KCNH8: variants seen among roughly 807,000 people sequenced by gnomAD.
KCNH8 encodes the protein potassium voltage-gated channel subfamily H member 8.
Under a neutral mutation model 103.6 loss-of-function variants are expected in KCNH8, and 70 were observed. That is an observed-to-expected ratio of 0.68 (90% CI 0.56 to 0.82). KCNH8 has a LOEUF of 0.82. Ranked by LOEUF, KCNH8 falls within the 40% of genes least tolerant of loss-of-function variation. KCNH8 has a pLI of 0.00. For missense variants in KCNH8, 1,217 were observed against 1,329.9 expected, an observed-to-expected ratio of 0.92 and a Z score of 1.32; for synonymous variants, 498 against 489.4, an observed-to-expected ratio of 1.02 and a Z score of -0.23.
rs149295733 is a variant in KCNH8 at position 19,413,966 on chromosome 3, C to A, written c.1177+18655C>A. Among the ~76,000 whole-genome samples the A allele has an allele frequency of 8.5e-5, 13 of 152,186 alleles. No individual in the cohort carries two copies. The East Asian group carries it at 2.1e-3, about 25-fold the overall frequency. On this transcript the variant is annotated intron_variant, in intron 7 of 15. Coordinates refer to ENST00000328405, the MANE Select transcript of KCNH8 (RefSeq NM_144633.3). Reference sequence around the variant, plus strand: ...TTGTAAGAAAGCAGAGGAATTTTCACTAAAAGCCAAGTAAATAGGATTGGA... The same window carrying A: ...TTGTAAGAAAGCAGAGGAATTTTCAATAAAAGCCAAGTAAATAGGATTGGA...
intron 11 of KCNH8, among the ~76,000 whole-genome samples, chr3:19,486,196 G>T (rs1375214279): frequency 6.6e-6 from 1 of 152,186 alleles, no homozygotes; most frequent in East Asian, 1.9e-4. Context: ...GGTCAGGTCT[G>T]CTAGAATAGA....
chr3:19,212,400 G>A (rs1472520099), intron 1 of KCNH8, among the ~76,000 whole-genome samples: 1 of 152,198 alleles, frequency 6.6e-6, no homozygotes, highest in Non-Finnish European at 1.5e-5. Context: ...AGCTTTATCT[G>A]TGTGAGCCCC....
chr3:19,515,989 C>A (rs1278096511), intron 14 of KCNH8, among the ~76,000 whole-genome samples: 1 of 152,010 alleles, frequency 6.6e-6, no homozygotes, highest in Non-Finnish European at 1.5e-5. Flanking sequence ...ACTTTTCAAT[C>A]TTGAGTTTGT....
chr3:19,367,460 A>G (rs1342199564), intron 5 of KCNH8, among the ~76,000 whole-genome samples: 1 of 147,022 alleles, frequency 6.8e-6, no homozygotes, highest in East Asian at 2.0e-4. Flanking sequence ...AGAAATATAT[A>G]TATCATAATA....
At chr3:19,521,139 T>C (rs2068964577) in intron 15 of KCNH8, among the ~76,000 whole-genome samples, 1 of 151,846 alleles carries the variant, frequency 6.6e-6, no homozygotes, top group African/African-American at 2.4e-5. Flanking sequence ...CTGAAAAGGT[T>C]TGTAGGTGAA....
chr3:19,490,922 G>C (rs971126271), intron 11 of KCNH8, among the ~76,000 whole-genome samples: 1 of 152,122 alleles, frequency 6.6e-6, no homozygotes, highest in Admixed American at 6.5e-5. Flanking sequence ...TCTGTTCTTT[G>C]ACAAGTAGAG....
intron 3 of KCNH8, among the ~76,000 whole-genome samples, chr3:19,329,989 A>G (rs1324838674): frequency 6.7e-6 from 1 of 149,938 alleles, no homozygotes; most frequent in African/African-American, 2.5e-5. Context: ...GCTTTTGAGT[A>G]TTTAATGAAG....
chr3:19,495,428 C>T (rs922533477), intron 11 of KCNH8, among the ~76,000 whole-genome samples: 1 of 152,148 alleles, frequency 6.6e-6, no homozygotes, highest in East Asian at 1.9e-4. Flanking sequence ...AGCCAGCTAT[C>T]CCAGCACCAT....
intron 1 of KCNH8, among the ~76,000 whole-genome samples, chr3:19,175,568 C>T (rs901875325): frequency 4.7e-4 from 72 of 152,228 alleles, no homozygotes; most frequent in African/African-American, 1.7e-3. Flanking sequence ...TTTCAAATTG[C>T]TCCATAGAAT....
At chr3:19,178,182 A>G (rs1253923493) in intron 1 of KCNH8, among the ~76,000 whole-genome samples, 1 of 152,160 alleles carries the variant, frequency 6.6e-6, no homozygotes, top group Non-Finnish European at 1.5e-5. Flanking sequence ...CTGAAATAAA[A>G]AAAAAATTAC....
intron 3 of KCNH8, among the ~76,000 whole-genome samples, chr3:19,283,366 T>A (rs2125275581): frequency 6.6e-6 from 1 of 152,284 alleles, no homozygotes; most frequent in South Asian, 2.1e-4. Flanking sequence ...ACATGTACAA[T>A]GTAAAGACTA....
At chr3:19,305,602 C>T (rs1289665633) in intron 3 of KCNH8, among the ~76,000 whole-genome samples, 1 of 151,858 alleles carries the variant, frequency 6.6e-6, no homozygotes, top group African/African-American at 2.4e-5. Flanking sequence ...AATTCACACA[C>T]AATTGGAGAA....
intron 5 of KCNH8, among the ~76,000 whole-genome samples, chr3:19,355,256 G>GA (rs1183009386): frequency 6.6e-6 from 1 of 152,198 alleles, no homozygotes. Flanking sequence ...AGGATGTGGA[G>GA]AAATAGGAAC....
chr3:19,374,994 TC>T, intron 5 of KCNH8, among the ~76,000 whole-genome samples: 1 of 151,978 alleles, frequency 6.6e-6, no homozygotes, highest in Non-Finnish European at 1.5e-5. Context: ...CTGATGGGCT[TC>T]CCTTTGAGGG....
At chr3:19,481,341 CTT>C (rs1375708637) in intron 11 of KCNH8, among the ~76,000 whole-genome samples, 4 of 152,128 alleles carry the variant, frequency 2.6e-5, no homozygotes, top group African/African-American at 9.6e-5. Flanking sequence ...CCATTTCTCT[CTT>C]TTGTCTAATT....
intron 15 of KCNH8, among the ~76,000 whole-genome samples, chr3:19,528,270 G>T (rs1356773531): frequency 1.3e-5 from 2 of 152,164 alleles, no homozygotes; most frequent in East Asian, 3.9e-4. Context: ...AATTTCAGTT[G>T]ATAAACAACT....
At chr3:19,193,960 T>TA (rs1376958990) in intron 1 of KCNH8, among the ~76,000 whole-genome samples, 2 of 151,746 alleles carry the variant, frequency 1.3e-5, no homozygotes, top group African/African-American at 4.8e-5. Flanking sequence ...AGGGAGGTGA[T>TA]ATTGAGAGAC....
chr3:19,495,714 A>T (rs73034026), intron 11 of KCNH8, among the ~76,000 whole-genome samples: 12,692 of 147,962 alleles, frequency 0.086, 614 homozygotes, highest in African/African-American at 0.11. Flanking sequence ...ACAAATTTAA[A>T]TTTTTTTTTT....
chr3:19,271,404 A>G (rs2064586549), intron 2 of KCNH8, among the ~76,000 whole-genome samples: 1 of 152,142 alleles, frequency 6.6e-6, no homozygotes, highest in African/African-American at 2.4e-5. Flanking sequence ...TGAATTCTCC[A>G]TTTTTAAAGT....
Sources: gnomAD v4.1 joint callset for allele counts (sites outside exome capture counted in the v4.1 genomes callset) on GRCh38, gnomAD v4.1.1 for gene constraint, MANE v1.5 for transcripts, NCBI Gene and HGNC (gene_info 2026-07-23, HGNC 2026-07-21) for gene names.